The following CAMKMT variants were observed in gnomAD, a reference collection of about 807,000 sequenced individuals.
CAMKMT encodes CaM KMT.
CAMKMT carries 53 observed loss-of-function variants against 48.0 expected under a neutral mutation model. The ratio of observed to expected loss-of-function variants is 1.10; its 90% CI spans 0.89 to 1.39. CAMKMT has a LOEUF of 1.39. Among genes scored for constraint, CAMKMT ranks in the 40% most tolerant of loss-of-function variants. CAMKMT has a pLI of 0.00. For missense variants in CAMKMT, 428 were observed against 402.7 expected (o/e 1.06, Z -0.54); for synonymous variants, 165 against 152.3 (o/e 1.08, Z -0.61).
At chr2:44,556,371 T>C (rs952223642) in intron 3 of CAMKMT, among the ~76,000 whole-genome samples, 1 of 151,562 alleles carries the variant, frequency 6.6e-6, no homozygotes, top group Non-Finnish European at 1.5e-5. Flanking sequence ...ACTCCTGACC[T>C]CTGGTGATCC....
chr2:44,371,914 C>T (rs959857154), intron 1 of CAMKMT, among the ~76,000 whole-genome samples: 8 of 152,038 alleles, frequency 5.3e-5, no homozygotes, highest in African/African-American at 1.9e-4. Flanking sequence ...AAAATCCAAG[C>T]ATTATTATTG....
chr2:44,420,084 A>G (rs1683831780), intron 3 of CAMKMT, among the ~76,000 whole-genome samples: 1 of 152,186 alleles, frequency 6.6e-6, no homozygotes, highest in African/African-American at 2.4e-5. Context: ...ATTATTTTAG[A>G]TAATTATATG....
chr2:44,403,529 C>T (rs1001228874), intron 3 of CAMKMT, among the ~76,000 whole-genome samples: 16 of 152,156 alleles, frequency 1.1e-4, no homozygotes, highest in Non-Finnish European at 1.9e-4. Flanking sequence ...CATGTAACTC[C>T]GGTTGCTTCT....
intron 7 of CAMKMT, among the ~76,000 whole-genome samples, chr2:44,736,575 C>T (rs953052007): frequency 1.3e-5 from 2 of 152,104 alleles, no homozygotes; most frequent in Non-Finnish European, 2.9e-5. Flanking sequence ...GGACATTTTT[C>T]AGCCATTATT....
chr2:44,714,249 G>T (rs1005581913), intron 6 of CAMKMT, among the ~76,000 whole-genome samples: 1 of 152,190 alleles, frequency 6.6e-6, no homozygotes, highest in Non-Finnish European at 1.5e-5. Flanking sequence ...TCAACTCTAA[G>T]AGTTATAGTG....
intron 3 of CAMKMT, among the ~76,000 whole-genome samples, chr2:44,594,955 T>A (rs1670562698): frequency 6.6e-6 from 1 of 151,990 alleles, no homozygotes; most frequent in Admixed American, 6.6e-5. Flanking sequence ...AGAACTTAAA[T>A]TTACAAGAAA....
chr2:44,500,523 A>C (rs896156595), intron 3 of CAMKMT, among the ~76,000 whole-genome samples: 1 of 152,156 alleles, frequency 6.6e-6, no homozygotes, highest in African/African-American at 2.4e-5. Context: ...GTTTTTAAAT[A>C]AGATAATGTA....
At chr2:44,384,244 TC>T (rs1324319097) in intron 2 of CAMKMT, among the ~76,000 whole-genome samples, 2 of 152,224 alleles carry the variant, frequency 1.3e-5, no homozygotes, top group African/African-American at 4.8e-5. Context: ...AGCATTTTTT[TC>T]ATATATTTGT....
chr2:44,591,695 C>G (rs550154838), intron 3 of CAMKMT, among the ~76,000 whole-genome samples: 4 of 151,618 alleles, frequency 2.6e-5, no homozygotes, highest in Non-Finnish European at 5.9e-5. Flanking sequence ...CCATTTGACC[C>G]AGCCATCCCA....
intron 7 of CAMKMT, among the ~76,000 whole-genome samples, chr2:44,727,810 A>G (rs183759066): frequency 4.6e-5 from 7 of 152,260 alleles, no homozygotes; most frequent in South Asian, 2.1e-4. Flanking sequence ...GAGGTTTTTT[A>G]TCATGAAGGG....
intron 3 of CAMKMT, among the ~76,000 whole-genome samples, chr2:44,405,875 G>T: frequency 6.6e-6 from 1 of 152,110 alleles, no homozygotes. Flanking sequence ...AGAAATTGCT[G>T]GGTAATAATT....
chr2:44,378,675 G>A (rs1159716189), intron 2 of CAMKMT, among the ~76,000 whole-genome samples: 1 of 152,128 alleles, frequency 6.6e-6, no homozygotes, highest in African/African-American at 2.4e-5. Flanking sequence ...TGTATTTTTA[G>A]TAGAGACGGG....
chr2:44,567,023 G>A (rs1352494132), intron 3 of CAMKMT, among the ~76,000 whole-genome samples: 1 of 152,168 alleles, frequency 6.6e-6, no homozygotes, highest in Non-Finnish European at 1.5e-5. Context: ...TGGGGGAAAA[G>A]AATAGCTACC....
chr2:44,497,325 A>G (rs774612112), intron 3 of CAMKMT, among the ~76,000 whole-genome samples: 14 of 152,198 alleles, frequency 9.2e-5, no homozygotes, highest in Non-Finnish European at 1.2e-4. Flanking sequence ...TAAATGGAAA[A>G]GAACATTGTT....
chr2:44,556,005 C>T (rs566326379), intron 3 of CAMKMT, among the ~76,000 whole-genome samples: 1 of 152,148 alleles, frequency 6.6e-6, no homozygotes, highest in Admixed American at 6.5e-5. Flanking sequence ...TATAGCTTGT[C>T]TAAAGGAAAA....
At chr2:44,450,302 G>T (rs1667223436) in intron 3 of CAMKMT, among the ~76,000 whole-genome samples, 3 of 152,104 alleles carry the variant, frequency 2.0e-5, no homozygotes, top group Non-Finnish European at 4.4e-5. Context: ...GCCTTGAATG[G>T]CATGTCAGTG....
chr2:44,491,483 T>G (rs1263615376), intron 3 of CAMKMT, among the ~76,000 whole-genome samples: 1 of 152,164 alleles, frequency 6.6e-6, no homozygotes, highest in African/African-American at 2.4e-5. Context: ...ATTTAAAAAC[T>G]GAAGAAAATA....
chr2:44,405,694 GATA>G (rs1444836422), intron 3 of CAMKMT, among the ~76,000 whole-genome samples: 1 of 151,988 alleles, frequency 6.6e-6, no homozygotes, highest in East Asian at 1.9e-4. Context: ...ATTCATCCAA[GATA>G]ATAATAACTC....
At chr2:44,395,044 A>T (rs945757173) in intron 3 of CAMKMT, 9 of 443,238 alleles carry the variant, frequency 2.0e-5, no homozygotes, top group Admixed American at 1.5e-4. Context: ...AGAGGAAAAA[A>T]AATTATATGT....
Sources: allele counts gnomAD v4.1 joint callset (sites outside exome capture counted in the v4.1 genomes callset), GRCh38; gene constraint gnomAD v4.1.1; transcripts MANE v1.5; gene names NCBI Gene and HGNC (gene_info 2026-07-23, HGNC 2026-07-21).